IFT43: variants seen among roughly 807,000 people sequenced by gnomAD.
IFT43 encodes intraflagellar transport 43.
Under a neutral mutation model 32.3 loss-of-function variants are expected in IFT43, and 33 were observed. The ratio of observed to expected loss-of-function variants is 1.02; its 90% CI spans 0.77 to 1.37. The LOEUF (loss-of-function observed/expected upper bound fraction) is 1.37, where lower values mean the gene tolerates loss of function less well. Ranked by LOEUF, IFT43 falls within the 40% of genes most tolerant of loss-of-function variation. IFT43 has a pLI of 0.00. For missense variants in IFT43, 274 were observed against 265.9 expected (o/e 1.03, Z -0.21); for synonymous variants, 93 against 98.2 (o/e 0.95, Z 0.31).
intron 5 of IFT43, among the ~76,000 whole-genome samples, chr14:76,080,637 C>A (rs1030011461): frequency 6.6e-6 from 1 of 152,202 alleles, no homozygotes; most frequent in Non-Finnish European, 1.5e-5. Context: ...TGTCACACTG[C>A]CGATGGTGCG....
chr14:76,002,029 C>T (rs1269804470), intron 2 of IFT43, among the ~76,000 whole-genome samples: 3 of 152,194 alleles, frequency 2.0e-5, no homozygotes, highest in Non-Finnish European at 4.4e-5. Flanking sequence ...GGGCGGATCA[C>T]CTGAGGTCAG....
intron 5 of IFT43, among the ~76,000 whole-genome samples, chr14:76,066,204 C>G (rs2037222147): frequency 6.6e-6 from 1 of 152,182 alleles, no homozygotes; most frequent in Non-Finnish European, 1.5e-5. Context: ...AGAAAGATAC[C>G]TATTTTCAAG....
chr14:76,041,987 G>A lies in IFT43; in HGVS notation c.216-16655G>A, dbSNP rs542673079. 3.3e-5 allele frequency among the ~76,000 whole-genome samples: 5 copies of A among 152,170 alleles called. No individual in the cohort carries two copies. In the South Asian group the frequency reaches 1.0e-3, roughly 32 times the overall value. On this transcript the variant is annotated intron_variant, in intron 3 of 8. Transcript: ENST00000314067. ...CCCTGAGTTTTTTTAGACAGCTCTA[G>A]ACTTTAGGAAATTTGCACCTTCATC...
At chr14:75,990,590 A>G (rs1197136069) in intron 2 of IFT43, among the ~76,000 whole-genome samples, 1 of 152,186 alleles carries the variant, frequency 6.6e-6, no homozygotes, top group African/African-American at 2.4e-5. Context: ...GTACTTACAC[A>G]TTAGAAGCTA....
At chr14:76,077,233 C>T (rs532244151) in intron 5 of IFT43, among the ~76,000 whole-genome samples, 26 of 152,224 alleles carry the variant, frequency 1.7e-4, no homozygotes, top group South Asian at 4.1e-4. Context: ...TCCCAGGGGG[C>T]CTTGCAGCTC....
rs532436461 is a variant in IFT43, at chr14:76,065,048, C to T, written c.295+5675C>T. ...ATTAGAAAGTTGTACTGGCCACCATCGGGGCATCATCACTTTAGGATCAAA... is the reference window on the plus strand; with the variant it reads ...ATTAGAAAGTTGTACTGGCCACCATTGGGGCATCATCACTTTAGGATCAAA... On this transcript the variant is annotated intron_variant, in intron 5 of 8. Coordinates refer to ENST00000314067, the MANE Select transcript of IFT43 (RefSeq NM_001102564.3). 9.8e-5 allele frequency among the ~76,000 whole-genome samples: 15 copies of T among 152,304 alleles called. No individual in the cohort carries two copies. The South Asian group carries it at 2.7e-3, about 27-fold the overall frequency.
intron 2 of IFT43, among the ~76,000 whole-genome samples, chr14:76,019,635 C>T (rs2036253831): frequency 1.3e-5 from 2 of 152,140 alleles, no homozygotes; most frequent in South Asian, 4.1e-4. Context: ...GAGAAGTTTT[C>T]AGCTATTATT....
intron 3 of IFT43, among the ~76,000 whole-genome samples, chr14:76,041,611 A>G (rs2036708686): frequency 6.6e-6 from 1 of 152,242 alleles, no homozygotes; most frequent in Non-Finnish European, 1.5e-5. Context: ...TGACGTAAAA[A>G]TTCAAACAAG....
chr14:76,029,384 G>A (rs2036464851), intron 3 of IFT43, among the ~76,000 whole-genome samples: 1 of 152,032 alleles, frequency 6.6e-6, no homozygotes, highest in Admixed American at 6.5e-5. Flanking sequence ...TGCATAGTTT[G>A]CAAAAATTTT....
intron 4 of IFT43, 180 bp downstream of exon 4, chr14:76,058,854 T>C: frequency 6.6e-7 from 1 of 1,521,968 alleles, no homozygotes; most frequent in Non-Finnish European, 8.8e-7. Context: ...ACTGAAGGTC[T>C]GGACCCTGGC....
At chr14:76,067,101 CTA>C (rs1296485637) in intron 5 of IFT43, among the ~76,000 whole-genome samples, 1 of 152,200 alleles carries the variant, frequency 6.6e-6, no homozygotes, top group Non-Finnish European at 1.5e-5. Flanking sequence ...ATGTCTCTCT[CTA>C]TGTGTATTGC....
intron 3 of IFT43, among the ~76,000 whole-genome samples, chr14:76,041,290 A>T (rs1187514980): frequency 6.6e-6 from 1 of 152,224 alleles, no homozygotes; most frequent in African/African-American, 2.4e-5. Flanking sequence ...GTAAAGTTGG[A>T]GGGTCTTAGA....
At chr14:76,014,133 A>G in intron 2 of IFT43, 1 of 275,582 alleles carries the variant, frequency 3.6e-6, no homozygotes, top group Non-Finnish European at 7.4e-6. Flanking sequence ...AGGAAAAGCG[A>G]CCCATGGACT....
intron 3 of IFT43, among the ~76,000 whole-genome samples, chr14:76,040,727 C>T (rs901713833): frequency 6.6e-6 from 1 of 152,202 alleles, no homozygotes; most frequent in Non-Finnish European, 1.5e-5. Flanking sequence ...CCCCACAAGC[C>T]CTGCTGCAGC....
intron 1 of IFT43, chr14:75,986,204 C>T (rs1005218549): frequency 7.6e-6 from 10 of 1,310,142 alleles, no homozygotes. Flanking sequence ...CACTCGCTCC[C>T]ATCCTAGAGT....
rs74402076 is a variant in IFT43, at chr14:76,009,169, C to T, written c.148-13158C>T. Among the ~76,000 whole-genome samples, 1,474 of 152,328 alleles carry T rather than the reference C, an allele frequency of 9.7e-3. 12 individuals are homozygous for T. The highest frequency in any genetic ancestry group is 0.015 in the Non-Finnish European group (1,001 of 68,032). ...TTCTAGCTGGCATGCAACTTAGCCG[C>T]TAGGCAATCATGTATCATCTGCTTC... On this transcript the variant is annotated intron_variant, in intron 2 of 8. Coordinates refer to ENST00000314067, the MANE Select transcript of IFT43 (RefSeq NM_001102564.3).
rs1555367539 is a variant in IFT43 at position 76,062,938 on chromosome 14, A to AAAG, written c.295+3567_295+3568insGAA. The stretch of plus-strand genomic sequence containing the variant: ...ATCTCAAAAAAAAAAAAAAAAAAAA[A>AAAG]AAAGAAAATACATTAAGTCAAACCA... On this transcript the variant is annotated intron_variant, in intron 5 of 8. Transcript: ENST00000314067. 5.8e-5 allele frequency among the ~76,000 whole-genome samples: 7 copies of AAAG among 120,832 alleles called. No homozygotes were observed. In the East Asian group the frequency reaches 1.6e-3, roughly 27 times the overall value. The allele number at this position is 120,832 out of a possible 152,430, so 79.3% of individuals were successfully genotyped here.
At chr14:76,012,260 G>T (rs1029710391) in intron 2 of IFT43, among the ~76,000 whole-genome samples, 2 of 152,118 alleles carry the variant, frequency 1.3e-5, no homozygotes, top group African/African-American at 4.8e-5. Context: ...AACTCAGAAG[G>T]CTCCTTTTTT....
chr14:76,079,799 G>T (rs1281436991), intron 5 of IFT43, among the ~76,000 whole-genome samples: 1 of 152,154 alleles, frequency 6.6e-6, no homozygotes, highest in African/African-American at 2.4e-5. Flanking sequence ...TACATCACCA[G>T]TCCACCTTTG....
Sources: gnomAD v4.1 joint callset for allele counts (sites outside exome capture counted in the v4.1 genomes callset) on GRCh38, gnomAD v4.1.1 for gene constraint, MANE v1.5 for transcripts, NCBI Gene and HGNC (gene_info 2026-07-23, HGNC 2026-07-21) for gene names.